Variants in WWOX observed in about 807,000 individuals in gnomAD.
WWOX encodes WW domain containing oxidoreductase.
Under a neutral mutation model 46.2 loss-of-function variants are expected in WWOX, and 69 were observed. The observed-to-expected ratio is 1.49, with a 90% CI of 1.23 to 1.82. WWOX has a LOEUF of 1.82. Ranked by LOEUF, WWOX falls within the 40% of genes most tolerant of loss-of-function variation. The probability of loss-of-function intolerance (pLI) is 0.00; values close to 1 mark genes in which losing one functional copy is unlikely to be tolerated. For synonymous variants in WWOX, 359 were observed against 202.6 expected (o/e 1.77, Z -6.56); for missense variants, 919 against 542.6 (o/e 1.69, Z -6.89).
At chr16:78,468,045 C>T (rs2151431447) in intron 8 of WWOX, among the ~76,000 whole-genome samples, 1 of 152,256 alleles carries the variant, frequency 6.6e-6, no homozygotes, top group South Asian at 2.1e-4. Flanking sequence ...AAAATTCTCT[C>T]TGCTCTTTTC....
chr16:78,668,863 A>C (rs746032335), intron 8 of WWOX, among the ~76,000 whole-genome samples: 8 of 152,170 alleles, frequency 5.3e-5, no homozygotes, highest in Non-Finnish European at 8.8e-5. Context: ...CGTGGTGTTC[A>C]CTTGATAACT....
At chr16:78,857,003 A>G (rs988992022) in intron 8 of WWOX, among the ~76,000 whole-genome samples, 2 of 152,220 alleles carry the variant, frequency 1.3e-5, no homozygotes, top group Admixed American at 1.3e-4. Context: ...TTTTAATACA[A>G]TGCTAAGTAT....
intron 8 of WWOX, among the ~76,000 whole-genome samples, chr16:78,714,257 A>G (rs925232935): frequency 6.6e-6 from 1 of 152,120 alleles, no homozygotes; most frequent in Non-Finnish European, 1.5e-5. Context: ...AGTTTAACGG[A>G]CTCATAGTTG....
intron 8 of WWOX, among the ~76,000 whole-genome samples, chr16:79,145,587 A>G (rs1328230500): frequency 1.3e-5 from 2 of 152,212 alleles, no homozygotes; most frequent in East Asian, 3.8e-4. Context: ...ATAGCTGTCA[A>G]TTGTCACATT....
intron 5 of WWOX, among the ~76,000 whole-genome samples, chr16:78,265,121 C>G (rs542944823): frequency 6.6e-6 from 1 of 151,708 alleles, no homozygotes; most frequent in Non-Finnish European, 1.5e-5. Flanking sequence ...CTTCTTCAGC[C>G]TCCCAAGTTG....
At chr16:78,919,958 A>T (rs1051735199) in intron 8 of WWOX, among the ~76,000 whole-genome samples, 1 of 152,150 alleles carries the variant, frequency 6.6e-6, no homozygotes, top group South Asian at 2.1e-4. Context: ...ACTACCAAAC[A>T]CGTAAGCTTA....
At chr16:79,141,256 C>G (rs181523176) in intron 8 of WWOX, among the ~76,000 whole-genome samples, 8 of 152,306 alleles carry the variant, frequency 5.3e-5, no homozygotes, top group Admixed American at 2.0e-4. Context: ...CCTACCTTTG[C>G]TCTGAGTTGT....
intron 8 of WWOX, among the ~76,000 whole-genome samples, chr16:78,651,768 A>G (rs116829476): frequency 2.4e-3 from 363 of 152,292 alleles, no homozygotes; most frequent in African/African-American, 8.3e-3. Context: ...GTATCAACTT[A>G]TGCTTTGGAA....
chr16:78,502,411 G>A (rs897213681), intron 8 of WWOX, among the ~76,000 whole-genome samples: 64 of 152,078 alleles, frequency 4.2e-4, no homozygotes, highest in African/African-American at 1.5e-3. Context: ...CCTATTCTGC[G>A]TACCTCATAT....
At chr16:78,785,234 G>C (rs1040702207) in intron 8 of WWOX, among the ~76,000 whole-genome samples, 4 of 152,238 alleles carry the variant, frequency 2.6e-5, no homozygotes, top group Non-Finnish European at 5.9e-5. Context: ...AAGGAGATAA[G>C]GCTGCAGTAA....
intron 8 of WWOX, among the ~76,000 whole-genome samples, chr16:79,019,341 C>T (rs1429128279): frequency 6.6e-6 from 1 of 152,158 alleles, no homozygotes; most frequent in South Asian, 2.1e-4. Context: ...TACACACACA[C>T]TTAGGCTGTA....
At chr16:78,400,911 C>A (rs562116576) in intron 6 of WWOX, among the ~76,000 whole-genome samples, 24 of 152,354 alleles carry the variant, frequency 1.6e-4, no homozygotes, top group African/African-American at 4.1e-4. Context: ...ATGGCCTCAG[C>A]CACCAGGGTT....
intron 5 of WWOX, among the ~76,000 whole-genome samples, chr16:78,190,938 G>C (rs935614404): frequency 9.9e-5 from 15 of 152,118 alleles, no homozygotes; most frequent in Admixed American, 6.5e-5. Flanking sequence ...TCAGTCATCT[G>C]ATCATTGTGT....
chr16:78,790,291 C>T lies in WWOX; in HGVS notation c.1056+357539C>T, dbSNP rs1023917569. 6.6e-5 allele frequency among the ~76,000 whole-genome samples: 10 copies of T among 152,020 alleles called. No homozygotes were observed. The South Asian group carries it at 8.3e-4, about 13-fold the overall frequency. ...CTGGGATTACAGGCGCACGCCAGCACGCCTGACTGATTTCTGTATTTTCAG... is the reference window on the plus strand; with the variant it reads ...CTGGGATTACAGGCGCACGCCAGCATGCCTGACTGATTTCTGTATTTTCAG... On this transcript the variant is annotated intron_variant, in intron 8 of 8. Transcript: ENST00000566780.
intron 8 of WWOX, among the ~76,000 whole-genome samples, chr16:78,577,420 G>T (rs1178779061): frequency 6.6e-6 from 1 of 152,056 alleles, no homozygotes; most frequent in African/African-American, 2.4e-5. Context: ...ATGAGTAAAG[G>T]GTGCCCTGAC....
chr16:78,911,205 G>A (rs531327164), intron 8 of WWOX, among the ~76,000 whole-genome samples: 3 of 151,816 alleles, frequency 2.0e-5, no homozygotes, highest in Non-Finnish European at 4.4e-5. Context: ...TTATCAAAAA[G>A]GATCTTTGAT....
chr16:78,556,448 T>A (rs1293142003), intron 8 of WWOX, among the ~76,000 whole-genome samples: 1 of 152,258 alleles, frequency 6.6e-6, no homozygotes, highest in African/African-American at 2.4e-5. Context: ...GGAATTTGTA[T>A]GATGGAGCAC....
intron 6 of WWOX, among the ~76,000 whole-genome samples, chr16:78,409,317 T>C (rs568319224): frequency 2.0e-5 from 3 of 152,324 alleles, no homozygotes; most frequent in Admixed American, 6.5e-5. Flanking sequence ...ACTGTCAAGA[T>C]ACAGAACAGT....
intron 8 of WWOX, among the ~76,000 whole-genome samples, chr16:78,556,672 T>C (rs1158740936): frequency 1.3e-5 from 2 of 152,172 alleles, no homozygotes; most frequent in Non-Finnish European, 2.9e-5. Flanking sequence ...ACAACACTGC[T>C]TTGTATTTGT....
Sources: gnomAD v4.1 joint callset for allele counts (sites outside exome capture counted in the v4.1 genomes callset) on GRCh38, gnomAD v4.1.1 for gene constraint, MANE v1.5 for transcripts, NCBI Gene and HGNC (gene_info 2026-07-23, HGNC 2026-07-21) for gene names.